Variants in EPS8L1 observed in about 807,000 individuals in gnomAD.
The protein encoded by EPS8L1 is epidermal growth factor receptor kinase substrate 8-like protein 1.
EPS8L1 carries 101 observed loss-of-function variants against 91.7 expected under a neutral mutation model. The ratio of observed to expected loss-of-function variants is 1.10; its 90% CI spans 0.94 to 1.30. The LOEUF is 1.30. Among genes scored for constraint, EPS8L1 ranks in the 50% most tolerant of loss-of-function variants. The pLI, the probability that EPS8L1 is intolerant of heterozygous loss-of-function variation, is 0.00. For missense variants in EPS8L1, 1,114 were observed against 1,017.0 expected, an observed-to-expected ratio of 1.10 and a Z score of -1.30; for synonymous variants, 506 against 445.3, an observed-to-expected ratio of 1.14 and a Z score of -1.72.
chr19:55,081,318 C>T lies in EPS8L1; in HGVS notation c.600C>T (p.Ile200=). 6.4e-7 allele frequency: 1 copy of T among 1,557,102 alleles called. No individual in the cohort carries two copies. Among genetic ancestry groups the T allele is most frequent in the Non-Finnish European group, 8.6e-7 (1 of 1,157,372 alleles). The part of the protein sequence containing the change: ...LQRRPSVRAV[I]STVERGAGRG... ...GCCGCCCGTCAGTCCGCGCAGTGAT[C>T]AGCACCGTAGAGCGGGGCGCGGGCC... Residue 200 remains isoleucine, a synonymous_variant, in exon 8 of 20, where the codon ATC becomes ATT. Transcript: ENST00000201647. This position sits in a 1 kb window ranked among gnomAD's most constrained non-coding sequence, Gnocchi z 4.9.
In EPS8L1 at chr19:55,078,087, G is replaced by GC; in HGVS notation, c.20dup (p.Glu8ArgfsTer13). 6.2e-7 allele frequency: 1 copy of GC among 1,613,722 alleles called. No homozygotes were observed. The highest frequency in any genetic ancestry group is 1.7e-5 in the Admixed American group (1 of 60,006). On this transcript the variant is annotated frameshift_variant and splice_region_variant. Transcript: ENST00000201647. LOFTEE classifies it high-confidence loss of function. ...TCTCTCATTCCTCTTTTCTTCACCAGCCCAGAAGCTGCCCCAAAGCCAAGC... is the reference window on the plus strand; with the variant it reads ...TCTCTCATTCCTCTTTTCTTCACCAGCCCCAGAAGCTGCCCCAAAGCCAAGC...
chr19:55,086,771 GC>G lies in EPS8L1; in HGVS notation c.1837del (p.Arg613AlafsTer47). On this transcript the variant is annotated frameshift_variant, in exon 18 of 20. Coordinates refer to ENST00000201647, the MANE Select transcript of EPS8L1 (RefSeq NM_133180.3). LOFTEE classifies it high-confidence loss of function. ...GAACTGCAGGCGCGCCTGGCCCAGG[GC>G]CGCTCGGGACCGAGCCGCGCAGTCC... ...NEELQARLAQGRSGPSRAVPG... is the reference protein window; with the variant it reads ...NEELQARLAQXRSGPSRAVPG... 1 of 1,610,164 alleles carries G rather than the reference GC, an allele frequency of 6.2e-7. No homozygotes were observed. The highest frequency in any genetic ancestry group is 1.1e-5 in the South Asian group (1 of 90,812).
rs1230551634 is a variant in EPS8L1 at position 55,081,372 on chromosome 19, C to T, written c.654C>T (p.Pro218=). The change falls in exon 8 of 20, where the codon CCC becomes CCT. Residue 218 remains proline (P), a synonymous_variant. Coordinates refer to ENST00000201647, the MANE Select transcript of EPS8L1 (RefSeq NM_133180.3). The surrounding 1 kb of genome is among the most constrained non-coding windows in gnomAD (Gnocchi z 4.9). ...GRGRPQAKPI[P]EAEEAQRPEP... ...GACGACCCCAGGCGAAGCCCATTCC[C>T]GAGGCAGAGGAGGCGCAGAGGCCTG... The T allele has an allele frequency of 1.9e-6, 3 of 1,574,814 alleles. No individual in the cohort carries two copies. Among genetic ancestry groups the T allele is most frequent in the African/African-American group, 2.7e-5 (2 of 74,272 alleles).
In EPS8L1 at chr19:55,087,445, A is replaced by G; in HGVS notation, c.2085+10A>G. On this transcript the variant is annotated intron_variant, in intron 19 of 19. Transcript: ENST00000201647. ...GCGCTCGCTGCTGGAGGTGAGCCGG[A>G]CCGCTGGTCCCTGGGTCTGGGTAGG... 1 of 1,614,126 alleles carries G rather than the reference A, an allele frequency of 6.2e-7. No homozygotes were observed. The highest frequency in any genetic ancestry group is 8.5e-7 in the Non-Finnish European group (1 of 1,180,020).
intron 2 of EPS8L1, 38 bp downstream of exon 2, chr19:55,076,499 G>T (rs112019163): frequency 6.2e-7 from 1 of 1,602,602 alleles, no homozygotes; most frequent in Non-Finnish European, 8.5e-7. Context: ...GCCCCAGCAC[G>T]CCTCCCGCCT....
chr19:55,079,139 G>A, intron 4 of EPS8L1, 82 bp downstream of exon 4: 1 of 1,433,036 alleles, frequency 7.0e-7, no homozygotes, highest in Non-Finnish European at 9.8e-7. Context: ...AAAGCAGCTA[G>A]GCCCCCAAGC....
chr19:55,085,528 C>G (rs1289269833), intron 14 of EPS8L1, among the ~76,000 whole-genome samples: 5 of 152,094 alleles, frequency 3.3e-5, no homozygotes, highest in Non-Finnish European at 7.4e-5. Flanking sequence ...ATTAGATGCT[C>G]AATAAATGAC....
chr19:55,080,094 G>A lies in EPS8L1; in HGVS notation c.280-35G>A, dbSNP rs1414453156. ...CGCCATTTAGTAGTACCATCATTTC[G>A]GGGCCTCAGTTTACCCCGCCATCCC... On this transcript the variant is annotated intron_variant, in intron 5 of 19. Transcript: ENST00000201647. 1 of 1,468,700 alleles carries A rather than the reference G, an allele frequency of 6.8e-7. No homozygotes were observed. Among genetic ancestry groups the A allele is most frequent in the East Asian group, 2.5e-5 (1 of 40,120 alleles). The allele number at this position is 1,468,700 out of a possible 1,614,324, so 91.0% of individuals were successfully genotyped here. A position where few individuals can be genotyped will look rare whatever the true frequency, so the allele number is the denominator to read the frequency against.
In EPS8L1 at chr19:55,083,041, T is replaced by A. The variant is rs2076304537; in HGVS notation, c.1215-337T>A. ...ACCTGATTTGGAATCAGGTGAGATT[T>A]AGAGGCTGGATAAGGCAATTTTTTT... On this transcript the variant is annotated intron_variant, in intron 12 of 19. Transcript: ENST00000201647. The surrounding 1 kb of genome is among the most constrained non-coding windows in gnomAD (Gnocchi z 4.7). Among the ~76,000 whole-genome samples the A allele has an allele frequency of 6.6e-6, 1 of 152,064 alleles. No homozygotes were observed. Among genetic ancestry groups the A allele is most frequent in the Admixed American group, 6.6e-5 (1 of 15,264 alleles).
chr19:55,079,672 C>G lies in EPS8L1; in HGVS notation c.118-18C>G, dbSNP rs369679973. 1.2e-6 allele frequency: 2 copies of G among 1,609,558 alleles called. No homozygotes were observed. Among genetic ancestry groups the G allele is most frequent in the African/African-American group, 2.7e-5 (2 of 75,000 alleles). ...GCATCATCTTGGGCCTCACTGCTTTCTCCATGGTCCGTACCAGCACCTGGT... is the reference window on the plus strand; with the variant it reads ...GCATCATCTTGGGCCTCACTGCTTTGTCCATGGTCCGTACCAGCACCTGGT... On this transcript the variant is annotated intron_variant, in intron 4 of 19. Coordinates refer to ENST00000201647, the MANE Select transcript of EPS8L1 (RefSeq NM_133180.3).
At chr19:55,085,442 G>C (rs144429942) in intron 14 of EPS8L1, among the ~76,000 whole-genome samples, 124 of 152,338 alleles carry the variant, frequency 8.1e-4, no homozygotes, top group Non-Finnish European at 1.4e-3. Context: ...TGGGATTACA[G>C]GCGTGAGCCA....
chr19:55,086,636 C>CCCCCCCCCCCCCCCCCCCCAGGG, intron 17 of EPS8L1, 78 bp from the exon 18 acceptor site: 1 of 956,964 alleles, frequency 1.0e-6, no homozygotes, highest in Non-Finnish European at 1.4e-6. Flanking sequence ...CGCTGGAGCG[C>CCCCCCCCCCCCCCCCCCCCAGGG]CCCCCCGCCC....
Position 55,080,893 on chromosome 19 carries a change from G to A in EPS8L1, c.512+39G>A, listed in dbSNP as rs779193611. ...AGTTGGCAGGGTCTCTGGGAAGCCG[G>A]TTTCCCCTCCTTGTGCCTCAGTCTA... On this transcript the variant is annotated intron_variant, in intron 7 of 19. Transcript: ENST00000201647. 27 of 1,550,274 alleles carry A rather than the reference G, an allele frequency of 1.7e-5. 1 individual carries two copies. The South Asian group carries it at 2.7e-4, about 15-fold the overall frequency.
At chr19:55,082,994 C>T (rs2076303741) in intron 12 of EPS8L1, among the ~76,000 whole-genome samples, 1 of 152,080 alleles carries the variant, frequency 6.6e-6, no homozygotes, top group South Asian at 2.1e-4. Flanking sequence ...AGGGTCAGAA[C>T]CTGAAACCGA....
At position 55,080,773 on chromosome 19, in the gene EPS8L1, C is replaced by T. The variant is rs201364329; in HGVS notation, c.431C>T (p.Ala144Val). The stretch of plus-strand genomic sequence containing the variant: ...GTGGCCTGACGGTGTGATTGGCAGG[C>T]GGAGCTGATCCGAGAGGACATCCAG... ...VHFFQGLRLG[A>V]ELIREDIQGA... is the part of the protein sequence containing the mutation. The change falls in exon 7 of 20, where the codon GCG (alanine) becomes GTG (valine). Residue 144 changes from alanine (A) to valine (V), a missense_variant and splice_region_variant. Physicochemically the swap from Ala to Val is moderately conservative, Grantham distance 64. Transcript: ENST00000201647. 27 of 1,596,958 alleles carry T rather than the reference C, an allele frequency of 1.7e-5. 2 individuals are homozygous for T. The Admixed American group carries it at 4.6e-4, about 27-fold the overall frequency.
intron 2 of EPS8L1, among the ~76,000 whole-genome samples, chr19:55,076,701 G>GT (rs888347594): frequency 6.6e-6 from 1 of 152,234 alleles, no homozygotes; most frequent in African/African-American, 2.4e-5. Context: ...CAGTGCTGAT[G>GT]TAACCCTGGT....
In EPS8L1 at chr19:55,079,781, G is replaced by A. The variant is rs771753638; in HGVS notation, c.209G>A (p.Arg70Gln). ...RKLAVMDSQG[R>Q]VWAQEMLLRV... ...TTGGCCGTCATGGATAGCCAGGGCC[G>A]AGTCTGGGCACAGGAGATGCTGCTG... The change falls in exon 5 of 20, where the codon CGA (arginine) becomes CAA (glutamine). Residue 70 changes from arginine to glutamine, a missense_variant. Physicochemically the swap from Arg to Gln is conservative, Grantham distance 43. Coordinates refer to ENST00000201647, the MANE Select transcript of EPS8L1 (RefSeq NM_133180.3). 3.7e-6 allele frequency: 6 copies of A among 1,613,982 alleles called. No homozygotes were observed. The African/African-American group carries it at 5.3e-5, about 14-fold the overall frequency.
intron 9 of EPS8L1, 43 bp from the exon 10 acceptor site, chr19:55,082,049 C>T (rs17700138): frequency 0.19 from 296,812 of 1,556,146 alleles, 29,875 homozygotes; most frequent in Middle Eastern, 0.22. Flanking sequence ...CTGCCTGGTG[C>T]TGGCCCCGCG....
At position 55,081,917 on chromosome 19, in the gene EPS8L1, G is replaced by C. The variant is rs1414573112; in HGVS notation, c.901+18G>C. Reference sequence around the variant, plus strand: ...GGCTGGGGGTAAGGGGCACCCTGGCGTGGGATCTGAACCCCCTCCCGATCT... The same window carrying C: ...GGCTGGGGGTAAGGGGCACCCTGGCCTGGGATCTGAACCCCCTCCCGATCT... On this transcript the variant is annotated intron_variant, in intron 9 of 19. Transcript: ENST00000201647. This position sits in a 1 kb window ranked among gnomAD's most constrained non-coding sequence, Gnocchi z 4.9. 2 of 1,601,856 alleles carry C rather than the reference G, an allele frequency of 1.2e-6. No individual in the cohort carries two copies. The highest frequency in any genetic ancestry group is 1.7e-6 in the Non-Finnish European group (2 of 1,172,974).
Sources: allele counts gnomAD v4.1 joint callset (sites outside exome capture counted in the v4.1 genomes callset), GRCh38; gene constraint gnomAD v4.1.1; non-coding constraint Gnocchi (gnomAD v3.1); transcripts MANE v1.5; gene names NCBI Gene and HGNC (gene_info 2026-07-23, HGNC 2026-07-21).